Variants in SAXO1 observed in about 807,000 individuals in gnomAD.
The protein encoded by SAXO1 is 4930500O09Rik.
A neutral mutation model predicts 17.5 loss-of-function variants in SAXO1; 21 were observed. The observed-to-expected ratio is 1.20, with a 90% CI of 0.85 to 1.72. SAXO1 has a LOEUF of 1.72. SAXO1 is among the 40% of genes most tolerant of loss of function. The probability of loss-of-function intolerance (pLI) is 0.00; values close to 1 mark genes in which losing one functional copy is unlikely to be tolerated. For synonymous variants in SAXO1, 274 were observed against 216.5 expected, an observed-to-expected ratio of 1.27 and a Z score of -2.33; for missense variants, 843 against 596.0, an observed-to-expected ratio of 1.41 and a Z score of -4.32.
chr9:18,992,664 G>A (rs1833857784), intron 1 of SAXO1, among the ~76,000 whole-genome samples: 1 of 152,200 alleles, frequency 6.6e-6, no homozygotes, highest in Non-Finnish European at 1.5e-5. Flanking sequence ...AAGGGCAGAG[G>A]AACTCCAAGT....
intron 1 of SAXO1, among the ~76,000 whole-genome samples, chr9:19,001,921 A>T (rs957222117): frequency 1.3e-5 from 2 of 152,070 alleles, no homozygotes; most frequent in Non-Finnish European, 2.9e-5. Flanking sequence ...AGATAGAGAC[A>T]CAAAAAACCC....
chr9:19,014,898 G>C (rs1189646779), intron 1 of SAXO1, among the ~76,000 whole-genome samples: 3 of 152,276 alleles, frequency 2.0e-5, no homozygotes, highest in Admixed American at 1.3e-4. Flanking sequence ...AACAAGACCA[G>C]TGAAGAGACC....
In SAXO1 at chr9:19,014,460, C is replaced by CAAAA. The variant is rs375593725; in HGVS notation, c.38+18407_38+18410dup. On this transcript the variant is annotated intron_variant, in intron 1 of 3. Transcript: ENST00000380534. ...TGGGCAACAGAGCGAAACTGTGTCTCAAAAAAAAAAAAAAAAAGTTAATTA... is the reference window on the plus strand; with the variant it reads ...TGGGCAACAGAGCGAAACTGTGTCTCAAAAAAAAAAAAAAAAAAAAAGTTAATTA... Among the ~76,000 whole-genome samples, 550 of 88,540 alleles carry CAAAA rather than the reference C, an allele frequency of 6.2e-3. 20 individuals carry two copies. The highest frequency in any genetic ancestry group is 0.024 in the African/African-American group (499 of 20,594). The allele number at this position is 88,540 out of a possible 152,430, so 58.1% of individuals were successfully genotyped here. A position where few individuals can be genotyped will look rare whatever the true frequency, so the allele number is the denominator to read the frequency against.
intron 3 of SAXO1, among the ~76,000 whole-genome samples, chr9:18,932,061 G>A (rs753243335): frequency 1.3e-5 from 2 of 152,126 alleles, no homozygotes; most frequent in Non-Finnish European, 2.9e-5. Flanking sequence ...TTTGAATTGC[G>A]ATAAAGTCCT....
Position 18,992,591 on chromosome 9 carries a change from T to C in SAXO1, c.38+40280A>G, listed in dbSNP as rs77660945. Among the ~76,000 whole-genome samples, 1,016 of 152,174 alleles carry C rather than the reference T, an allele frequency of 6.7e-3. 8 individuals carry two copies. The highest frequency in any genetic ancestry group is 0.023 in the African/African-American group (972 of 41,510). On this transcript the variant is annotated intron_variant, in intron 1 of 3. Coordinates refer to ENST00000380534, the MANE Select transcript of SAXO1 (RefSeq NM_153707.4). Reference sequence around the variant, plus strand: ...TCCATAACACACAGCTAGGAAGTGGTCAGGTTGCAAGCAGTTAACCACTAC... The same window carrying C: ...TCCATAACACACAGCTAGGAAGTGGCCAGGTTGCAAGCAGTTAACCACTAC...
chr9:18,952,852 A>G (rs1832088151), intron 1 of SAXO1, among the ~76,000 whole-genome samples: 1 of 152,206 alleles, frequency 6.6e-6, no homozygotes, highest in African/African-American at 2.4e-5. Flanking sequence ...GTACAAAGCT[A>G]TGTATTTCTA....
chr9:18,990,668 T>C (rs569442766), intron 1 of SAXO1, among the ~76,000 whole-genome samples: 1 of 152,272 alleles, frequency 6.6e-6, no homozygotes, highest in Non-Finnish European at 1.5e-5. Context: ...GGCGAGCAAG[T>C]GAAGCTTCAT....
intron 1 of SAXO1, among the ~76,000 whole-genome samples, chr9:19,030,758 G>C (rs184401167): frequency 1.3e-5 from 2 of 152,136 alleles, no homozygotes; most frequent in African/African-American, 4.8e-5. Flanking sequence ...TTGAGGGAGA[G>C]TAAGAGATGA....
chr9:19,026,318 C>A (rs1350611814), intron 1 of SAXO1, among the ~76,000 whole-genome samples: 1 of 151,996 alleles, frequency 6.6e-6, no homozygotes, highest in East Asian at 1.9e-4. Flanking sequence ...TGTCTGATAC[C>A]CAGTAAAATA....
chr9:18,985,700 C>G (rs1833565919), intron 1 of SAXO1, among the ~76,000 whole-genome samples: 1 of 152,216 alleles, frequency 6.6e-6, no homozygotes, highest in Admixed American at 6.5e-5. Context: ...TCCGACTCCC[C>G]TGCCCTTTCT....
At chr9:18,952,133 C>T (rs1832062189) in intron 1 of SAXO1, among the ~76,000 whole-genome samples, 1 of 152,190 alleles carries the variant, frequency 6.6e-6, no homozygotes, top group Admixed American at 6.5e-5. Context: ...TAAGTGAAGG[C>T]ATTTTATCAA....
intron 3 of SAXO1, among the ~76,000 whole-genome samples, chr9:18,930,263 C>T (rs944837491): frequency 6.6e-6 from 1 of 152,170 alleles, no homozygotes; most frequent in Non-Finnish European, 1.5e-5. Context: ...CCAGAGGAAC[C>T]TCTGCTGTGG....
chr9:18,970,601 G>C (rs978501506), intron 1 of SAXO1, among the ~76,000 whole-genome samples: 1 of 152,212 alleles, frequency 6.6e-6, no homozygotes, highest in Non-Finnish European at 1.5e-5. Flanking sequence ...ACACGCATAT[G>C]AGATACAGCC....
At chr9:19,012,525 G>C (rs911276838) in intron 1 of SAXO1, among the ~76,000 whole-genome samples, 3 of 152,320 alleles carry the variant, frequency 2.0e-5, no homozygotes, top group South Asian at 4.1e-4. Flanking sequence ...AACCATATGG[G>C]GGACGGTGGG....
chr9:19,008,723 A>C (rs1236511380), intron 1 of SAXO1, among the ~76,000 whole-genome samples: 1 of 152,080 alleles, frequency 6.6e-6, no homozygotes, highest in East Asian at 1.9e-4. Flanking sequence ...TACTAACCCC[A>C]CTCAGCCCGA....
chr9:19,038,018 A>C (rs1190806992), upstream of SAXO1, among the ~76,000 whole-genome samples: 1 of 152,216 alleles, frequency 6.6e-6, no homozygotes, highest in Non-Finnish European at 1.5e-5. Context: ...GCTCATCATC[A>C]CTGGTCATCA....
Position 19,049,284 on chromosome 9 carries a change from A to C in SAXO1, c.-233T>G, listed in dbSNP as rs1836296667. ...GAGCTTCCCTTCCATCTTAGGGCTC[A>C]CGCCGCCCCGGTTAGGTTTCATTAG... On this transcript the variant is annotated 5_prime_UTR_variant, in exon 1 of 4. Coordinates refer to the SAXO1 transcript ENST00000542071. The surrounding 1 kb of genome is among the most constrained non-coding windows in gnomAD (Gnocchi z 5.4). 1 of 186,926 alleles carries C rather than the reference A, an allele frequency of 5.3e-6. No homozygotes were observed. Among genetic ancestry groups the C allele is most frequent in the South Asian group, 1.2e-4 (1 of 8,244 alleles). The allele number at this position is 186,926 out of a possible 1,614,324, so 11.6% of individuals were successfully genotyped here.
At position 18,928,502 on chromosome 9, in the gene SAXO1, T is replaced by G; in HGVS notation, c.975A>C (p.Ala325=). Residue 325 remains alanine (A), a synonymous_variant, in exon 4 of 4, where the codon GCA becomes GCC. Transcript: ENST00000380534. ...KGAPAQSCRP[A]LQIKKCGRFE... ...AGCGACCGCACTTCTTAATCTGAAG[T>G]GCAGGTCGGCAGGACTGAGCTGGGG... is the stretch of plus-strand genomic sequence containing the variant. 1 of 1,613,776 alleles carries G rather than the reference T, an allele frequency of 6.2e-7. No individual in the cohort carries two copies. The highest frequency in any genetic ancestry group is 8.5e-7 in the Non-Finnish European group (1 of 1,179,906).
At chr9:18,959,747 G>A (rs1337229056) in intron 1 of SAXO1, among the ~76,000 whole-genome samples, 1 of 151,552 alleles carries the variant, frequency 6.6e-6, no homozygotes, top group Non-Finnish European at 1.5e-5. Context: ...CTCCAGCCTG[G>A]GCAACAAGAG....
Sources: gnomAD v4.1 joint callset for allele counts (sites outside exome capture counted in the v4.1 genomes callset) on GRCh38, gnomAD v4.1.1 for gene constraint, Gnocchi (gnomAD v3.1) non-coding constraint, MANE v1.5 for transcripts, NCBI Gene and HGNC (gene_info 2026-07-23, HGNC 2026-07-21) for gene names.